Variants in LBH observed in about 807,000 individuals in gnomAD.
LBH encodes the protein LBH regulator of Wnt signaling pathway, also known as protein LBH.
Under a neutral mutation model 12.5 loss-of-function variants are expected in LBH, and 7 were observed. The observed-to-expected ratio is 0.56, with a 90% confidence interval of 0.32 to 1.05. The LOEUF is 1.05. Among genes scored for constraint, LBH ranks in the 50% least tolerant of loss-of-function variants. The pLI is 0.04. For synonymous variants in LBH, 51 were observed against 50.1 expected (o/e 1.02, Z -0.08); for missense variants, 119 against 138.9 (o/e 0.86, Z 0.72).
chr2:30,242,613 T>C (rs1347215117), intron 2 of LBH, among the ~76,000 whole-genome samples: 2 of 152,242 alleles, frequency 1.3e-5, no homozygotes, highest in African/African-American at 4.8e-5. Context: ...CACACCCATA[T>C]TTCTATCACT....
At chr2:30,234,303 T>A in intron 1 of LBH, 102 bp from the exon 2 acceptor site, 1 of 907,992 alleles carries the variant, frequency 1.1e-6, no homozygotes, top group Non-Finnish European at 1.8e-6. Context: ...CCTCTCTTCC[T>A]GTCTCCAGAC....
chr2:30,243,820 C>A (rs771905263), intron 2 of LBH, among the ~76,000 whole-genome samples: 1 of 151,690 alleles, frequency 6.6e-6, no homozygotes, highest in African/African-American at 2.4e-5. Context: ...TGAGCCACTG[C>A]GCCTGGCCTG....
intron 2 of LBH, among the ~76,000 whole-genome samples, chr2:30,241,234 ACACACACACATT>A (rs1572378678): frequency 6.6e-6 from 1 of 152,144 alleles, no homozygotes; most frequent in East Asian, 1.9e-4. Context: ...ACATCCACTA[ACACACACACATT>A]CACACACACA....
intron 2 of LBH, among the ~76,000 whole-genome samples, chr2:30,244,354 A>G (rs1333727531): frequency 6.6e-6 from 1 of 152,174 alleles, no homozygotes; most frequent in Non-Finnish European, 1.5e-5. Flanking sequence ...ACTACTTCAC[A>G]TTTTAACAAA....
chr2:30,232,184 C>T, intron 1 of LBH: 1 of 1,538,896 alleles, frequency 6.5e-7, no homozygotes, highest in Non-Finnish European at 8.7e-7. Context: ...AACGTCGAGG[C>T]CGGCAGCAGC....
At chr2:30,254,614 C>T (rs1313084375) in intron 2 of LBH, among the ~76,000 whole-genome samples, 1 of 151,826 alleles carries the variant, frequency 6.6e-6, no homozygotes, top group African/African-American at 2.4e-5. Context: ...CCTCCTCCTC[C>T]TCCCCCTCCC....
At position 30,231,553 on chromosome 2, in the gene LBH, G is replaced by T. The variant is rs1009841738; in HGVS notation, c.-186G>T. The T allele has an allele frequency of 3.2e-6, 2 of 622,610 alleles. No individual in the cohort carries two copies. 38.6% of individuals were successfully genotyped at this position (622,610 alleles called of 1,614,324 possible). ...TGTGGGGCTGAGTGCTCAGTGGAGAGCGGGGAGTTGTGTCCACCTTGCCGA... is the reference window on the plus strand; with the variant it reads ...TGTGGGGCTGAGTGCTCAGTGGAGATCGGGGAGTTGTGTCCACCTTGCCGA... On this transcript the variant is annotated 5_prime_UTR_variant, in exon 1 of 3. Transcript: ENST00000395323.
chr2:30,231,615 G>T lies in LBH; in HGVS notation c.-124G>T. 1 of 922,838 alleles carries T rather than the reference G, an allele frequency of 1.1e-6. No individual in the cohort carries two copies. The highest frequency in any genetic ancestry group is 1.4e-5 in the South Asian group (1 of 72,656). The allele number at this position is 922,838 out of a possible 1,614,324, so 57.2% of individuals were successfully genotyped here. A position where few individuals can be genotyped will look rare whatever the true frequency, so the allele number is the denominator to read the frequency against. The stretch of plus-strand genomic sequence containing the variant: ...GTGGGGCTGTCCTGGGAAGGCGGAC[G>T]GCGAGCGCCCGGTGTCCGCACTCGG... On this transcript the variant is annotated 5_prime_UTR_variant, in exon 1 of 3. Coordinates refer to ENST00000395323, the MANE Select transcript of LBH (RefSeq NM_030915.4).
chr2:30,257,091 A>G (rs1166115960), intron 2 of LBH, among the ~76,000 whole-genome samples: 1 of 152,228 alleles, frequency 6.6e-6, no homozygotes, highest in African/African-American at 2.4e-5. Flanking sequence ...CTGCAGAGAG[A>G]GACCAGACTT....
intron 2 of LBH, among the ~76,000 whole-genome samples, chr2:30,244,644 A>G (rs1315026986): frequency 6.6e-6 from 1 of 152,128 alleles, no homozygotes; most frequent in African/African-American, 2.4e-5. Flanking sequence ...GCTCACACCT[A>G]TAATCCCAGC....
intron 1 of LBH, among the ~76,000 whole-genome samples, chr2:30,233,562 A>C (rs914766223): frequency 2.0e-5 from 3 of 152,248 alleles, no homozygotes; most frequent in African/African-American, 7.2e-5. Flanking sequence ...TTTGGTGCTT[A>C]TGTTCAGCAT....
At chr2:30,234,236 T>A in intron 1 of LBH, 169 bp from the exon 2 acceptor site, 4 of 602,346 alleles carry the variant, frequency 6.6e-6, no homozygotes, top group Non-Finnish European at 1.2e-5. Flanking sequence ...GGCTGTGGGC[T>A]TGCAAGGCGC....
intron 1 of LBH, chr2:30,232,236 G>A (rs6761854): frequency 1.1e-6 from 1 of 907,108 alleles, no homozygotes; most frequent in African/African-American, 1.6e-5. Flanking sequence ...AGAGCTCCGG[G>A]GGGGTGGGGG....
intron 2 of LBH, among the ~76,000 whole-genome samples, chr2:30,239,773 G>A (rs771793545): frequency 6.6e-6 from 1 of 152,218 alleles, no homozygotes; most frequent in Non-Finnish European, 1.5e-5. Context: ...CACTGGGCCC[G>A]TGTCTGCACA....
At chr2:30,240,136 G>A (rs556387246) in intron 2 of LBH, among the ~76,000 whole-genome samples, 2 of 152,332 alleles carry the variant, frequency 1.3e-5, no homozygotes, top group East Asian at 3.9e-4. Flanking sequence ...TTTCTAAGAC[G>A]CTGGGCACAG....
intron 2 of LBH, among the ~76,000 whole-genome samples, chr2:30,242,270 G>A (rs919670318): frequency 1.3e-5 from 2 of 151,216 alleles, no homozygotes; most frequent in South Asian, 4.2e-4. Context: ...TGGAGATAGA[G>A]TCTCACTCTG....
rs1678107250 is a variant in LBH, at chr2:30,257,576, G to C, written c.273G>C (p.Glu91Asp). 6.2e-7 allele frequency: 1 copy of C among 1,614,066 alleles called. No homozygotes were observed. The highest frequency in any genetic ancestry group is 8.5e-7 in the Non-Finnish European group (1 of 1,180,002). Residue 91 changes from glutamate (E) to aspartate (D), a missense_variant, in exon 3 of 3, where the codon GAG becomes GAC. Physicochemically the swap from Glu to Asp is conservative, Grantham distance 45 (BLOSUM62 2). Coordinates refer to ENST00000395323, the MANE Select transcript of LBH (RefSeq NM_030915.4). ...PPEEFLVQED[E>D]QDNCEETAKE... Reference sequence around the variant, plus strand: ...AGGAGTTCCTGGTCCAGGAGGATGAGCAAGATAACTGCGAAGAGACAGCGA... The same window carrying C: ...AGGAGTTCCTGGTCCAGGAGGATGACCAAGATAACTGCGAAGAGACAGCGA...
intron 2 of LBH, among the ~76,000 whole-genome samples, chr2:30,252,385 A>G (rs1330005317): frequency 6.6e-6 from 1 of 152,200 alleles, no homozygotes; most frequent in Admixed American, 6.5e-5. Flanking sequence ...CCTTTAGGCC[A>G]GGTGCAGTGG....
At position 30,257,847 on chromosome 2, in the gene LBH, C is replaced by T. The variant is rs994593300; in HGVS notation, c.*226C>T. 1 of 389,820 alleles carries T rather than the reference C, an allele frequency of 2.6e-6. No homozygotes were observed. Among genetic ancestry groups the T allele is most frequent in the Non-Finnish European group, 4.6e-6 (1 of 219,138 alleles). The allele number at this position is 389,820 out of a possible 1,614,324, so 24.1% of individuals were successfully genotyped here. Reference sequence around the variant, plus strand: ...GAGCCCTCTGACAATTTGCAAGGCCCTCTGAGAAAGGAAGCTGCTTAGAGC... The same window carrying T: ...GAGCCCTCTGACAATTTGCAAGGCCTTCTGAGAAAGGAAGCTGCTTAGAGC... On this transcript the variant is annotated 3_prime_UTR_variant, in exon 3 of 3. Coordinates refer to ENST00000395323, the MANE Select transcript of LBH (RefSeq NM_030915.4).
Sources: gnomAD v4.1 joint callset for allele counts (sites outside exome capture counted in the v4.1 genomes callset) on GRCh38, gnomAD v4.1.1 for gene constraint, MANE v1.5 for transcripts, NCBI Gene and HGNC (gene_info 2026-07-23, HGNC 2026-07-21) for gene names.